The following CSMD1 variants were observed in gnomAD, a reference collection of about 807,000 sequenced individuals.
CSMD1 encodes CUB and Sushi multiple domains 1.
Under a neutral mutation model 417.5 loss-of-function variants are expected in CSMD1, and 213 were observed. The observed-to-expected ratio is 0.51, with a 90% CI of 0.46 to 0.57. The LOEUF (loss-of-function observed/expected upper bound fraction) is 0.57. Among genes scored for constraint, CSMD1 ranks in the 20% least tolerant of loss-of-function variants. The pLI is 0.00. For missense variants in CSMD1, 6,923 were observed against 4,529.7 expected, an observed-to-expected ratio of 1.53 and a Z score of -15.17; for synonymous variants, 2,862 against 1,736.8, an observed-to-expected ratio of 1.65 and a Z score of -16.11.
At chr8:3,537,029 G>C (rs1041513855) in intron 10 of CSMD1, among the ~76,000 whole-genome samples, 5 of 151,858 alleles carry the variant, frequency 3.3e-5, no homozygotes, top group African/African-American at 1.2e-4. Flanking sequence ...TTTTGAGATG[G>C]AGTCTTTCTC....
intron 38 of CSMD1, among the ~76,000 whole-genome samples, chr8:3,158,738 G>A (rs543791969): frequency 6.6e-6 from 1 of 151,774 alleles, no homozygotes; most frequent in Non-Finnish European, 1.5e-5. Context: ...CTCTGTGTGC[G>A]GCCTATTTTT....
intron 10 of CSMD1, among the ~76,000 whole-genome samples, chr8:3,503,658 G>C (rs887550029): frequency 3.3e-5 from 5 of 152,212 alleles, no homozygotes; most frequent in African/African-American, 9.6e-5. Context: ...CTGCTACAGA[G>C]AGAATTAGTC....
chr8:3,805,108 T>C (rs548584406), intron 5 of CSMD1, among the ~76,000 whole-genome samples: 106 of 152,222 alleles, frequency 7.0e-4, no homozygotes, highest in African/African-American at 2.5e-3. Flanking sequence ...CTGTTATGAA[T>C]GGGAAGGGGT....
At chr8:4,216,383 G>C (rs570877157) in intron 3 of CSMD1, among the ~76,000 whole-genome samples, 1 of 152,296 alleles carries the variant, frequency 6.6e-6, no homozygotes, top group East Asian at 1.9e-4. Context: ...CACACCATCA[G>C]AATAGTGTGT....
At chr8:4,607,756 G>C (rs1252876756) in intron 2 of CSMD1, among the ~76,000 whole-genome samples, 1 of 152,154 alleles carries the variant, frequency 6.6e-6, no homozygotes, top group Non-Finnish European at 1.5e-5. Context: ...CAAACCGCTT[G>C]AGAGTGACTC....
intron 1 of CSMD1, among the ~76,000 whole-genome samples, chr8:4,796,509 C>G (rs1455021084): frequency 2.6e-5 from 4 of 151,956 alleles, no homozygotes; most frequent in African/African-American, 9.7e-5. Flanking sequence ...TGGTCTTTCT[C>G]AATGACCTGG....
chr8:4,746,440 G>A (rs1810957572), intron 1 of CSMD1, among the ~76,000 whole-genome samples: 1 of 152,172 alleles, frequency 6.6e-6, no homozygotes, highest in Admixed American at 6.6e-5. Flanking sequence ...AATGGAAGTG[G>A]ACTTGCTCAC....
At chr8:4,024,541 A>T (rs1796964368) in intron 4 of CSMD1, among the ~76,000 whole-genome samples, 1 of 152,214 alleles carries the variant, frequency 6.6e-6, no homozygotes, top group Admixed American at 6.5e-5. Context: ...TCAGAGGTCA[A>T]GTCAATTTGA....
chr8:4,514,932 A>C (rs1405140029), intron 2 of CSMD1, among the ~76,000 whole-genome samples: 1 of 152,226 alleles, frequency 6.6e-6, no homozygotes, highest in Non-Finnish European at 1.5e-5. Flanking sequence ...ATCCAGACTC[A>C]TTCATTACAT....
intron 17 of CSMD1, among the ~76,000 whole-genome samples, chr8:3,389,482 G>A (rs560443588): frequency 2.0e-5 from 3 of 152,196 alleles, no homozygotes; most frequent in African/African-American, 7.2e-5. Context: ...CTGAAGAAAT[G>A]CACTGATCTC....
rs1247567287 is a variant in CSMD1, at chr8:4,266,601, T to C, written c.415+153352A>G. Among the ~76,000 whole-genome samples the C allele has an allele frequency of 1.9e-5, 2 of 105,132 alleles. 1 individual carries two copies. The highest frequency in any genetic ancestry group is 5.1e-4 in the East Asian group (2 of 3,938). 69.0% of individuals were successfully genotyped at this position (105,132 alleles called of 152,430 possible). A position where few individuals can be genotyped will look rare whatever the true frequency, so the allele number is the denominator to read the frequency against. ...GTACACCATACAGGTATGTCCCCAC[T>C]AATGGCGTAAAGTGACCTGTCCTGC... On this transcript the variant is annotated intron_variant, in intron 3 of 69. Transcript: ENST00000635120.
At chr8:3,944,952 A>C (rs1585010741) in intron 5 of CSMD1, among the ~76,000 whole-genome samples, 1 of 152,322 alleles carries the variant, frequency 6.6e-6, no homozygotes, top group African/African-American at 2.4e-5. Flanking sequence ...TCGACATTAC[A>C]AGGATGACAA....
At chr8:4,947,531 G>A (rs923860596) in intron 1 of CSMD1, among the ~76,000 whole-genome samples, 1 of 152,096 alleles carries the variant, frequency 6.6e-6, no homozygotes, top group Non-Finnish European at 1.5e-5. Context: ...CATGTGGTCA[G>A]AAAGGTGGCA....
chr8:3,485,861 G>C (rs1022234366), intron 11 of CSMD1, among the ~76,000 whole-genome samples: 1 of 151,264 alleles, frequency 6.6e-6, no homozygotes, highest in Non-Finnish European at 1.5e-5. Flanking sequence ...AAGATCAGTG[G>C]ATCATATCAA....
intron 6 of CSMD1, among the ~76,000 whole-genome samples, chr8:3,709,293 A>G (rs577863035): frequency 6.6e-6 from 1 of 152,180 alleles, no homozygotes; most frequent in South Asian, 2.1e-4. Context: ...AGGTCCCCAT[A>G]TGAGACTGGA....
intron 26 of CSMD1, among the ~76,000 whole-genome samples, chr8:3,251,597 G>T (rs1414138272): frequency 1.3e-5 from 2 of 152,158 alleles, no homozygotes; most frequent in African/African-American, 2.4e-5. Flanking sequence ...CCAATTCTGT[G>T]AAGAAAGTCA....
intron 1 of CSMD1, among the ~76,000 whole-genome samples, chr8:4,923,701 C>A (rs892844448): frequency 6.6e-6 from 1 of 152,140 alleles, no homozygotes; most frequent in Non-Finnish European, 1.5e-5. Context: ...GTGGGACTAT[C>A]AGTGCTTGGG....
intron 1 of CSMD1, among the ~76,000 whole-genome samples, chr8:4,691,098 T>C (rs1806737810): frequency 6.6e-6 from 1 of 152,160 alleles, no homozygotes; most frequent in Non-Finnish European, 1.5e-5. Flanking sequence ...AAATGGATTT[T>C]CCCCATCTTT....
intron 3 of CSMD1, among the ~76,000 whole-genome samples, chr8:4,073,273 T>A (rs893051698): frequency 6.6e-6 from 1 of 152,054 alleles, no homozygotes; most frequent in African/African-American, 2.4e-5. Flanking sequence ...AGGCCAAAAT[T>A]AGAGTTGAAA....
Sources: gnomAD v4.1 joint callset for allele counts (sites outside exome capture counted in the v4.1 genomes callset) on GRCh38, gnomAD v4.1.1 for gene constraint, MANE v1.5 for transcripts, NCBI Gene and HGNC (gene_info 2026-07-23, HGNC 2026-07-21) for gene names.